IPO11: variants seen among roughly 807,000 people sequenced by gnomAD.
IPO11 encodes importin 11.
Under a neutral mutation model 143.2 loss-of-function variants are expected in IPO11, and 66 were observed. The ratio of observed to expected loss-of-function variants is 0.46; its 90% CI spans 0.38 to 0.57. IPO11 has a LOEUF of 0.57. IPO11 is among the 20% of genes least tolerant of loss of function. The probability of loss-of-function intolerance (pLI) is 0.00; values close to 1 mark genes in which losing one functional copy is unlikely to be tolerated. For synonymous variants in IPO11, 385 were observed against 377.8 expected, an observed-to-expected ratio of 1.02 and a Z score of -0.22; for missense variants, 1,026 against 1,141.0, an observed-to-expected ratio of 0.90 and a Z score of 1.45.
chr5:62,607,647 C>A (rs1439831118), intron 29 of IPO11, among the ~76,000 whole-genome samples: 1 of 152,140 alleles, frequency 6.6e-6, no homozygotes, highest in Non-Finnish European at 1.5e-5. Flanking sequence ...TACCTTATAG[C>A]ATTCAGTAAT....
At chr5:62,490,322 A>G (rs1399673474) in intron 15 of IPO11, 102 bp downstream of exon 15, 2 of 670,264 alleles carry the variant, frequency 3.0e-6, no homozygotes, top group East Asian at 6.3e-5. Flanking sequence ...TAAAAAATGC[A>G]ATCGTATAAG....
At chr5:62,448,354 C>T (rs1744792345) in intron 3 of IPO11, among the ~76,000 whole-genome samples, 1 of 152,140 alleles carries the variant, frequency 6.6e-6, no homozygotes, top group Admixed American at 6.6e-5. Flanking sequence ...GTGAATTTTC[C>T]ATTCCATTCA....
In IPO11 at chr5:62,490,192, C is replaced by T. The variant is rs1179239887; in HGVS notation, c.1435C>T (p.Leu479Phe). ...TGATCAGTGGTTTAAAAACCAGCTT[C>T]TTCCAGAATTACAAGTCATTCACAA... is the stretch of plus-strand genomic sequence containing the variant. ...DFDQWFKNQLLPELQVIHNRY... is the reference protein window; with the variant it reads ...DFDQWFKNQLFPELQVIHNRY... The change falls in exon 15 of 30, where the codon CTT becomes TTT. Residue 479 changes from leucine (L) to phenylalanine (F), a missense_variant. Physicochemically the swap from Leu to Phe is conservative, Grantham distance 22 (BLOSUM62 0). Coordinates refer to ENST00000325324, the MANE Select transcript of IPO11 (RefSeq NM_016338.5). The T allele has an allele frequency of 2.9e-5, 47 of 1,603,084 alleles. No individual in the cohort carries two copies. The highest frequency in any genetic ancestry group is 3.6e-5 in the Non-Finnish European group (42 of 1,174,822).
chr5:62,489,372 AG>A (rs755736212), intron 14 of IPO11, 23 bp downstream of exon 14: 2 of 1,506,656 alleles, frequency 1.3e-6, no homozygotes, highest in Non-Finnish European at 1.8e-6. Flanking sequence ...TAAGTGATTT[AG>A]AAGCATTTAT....
chr5:62,626,664 C>CT (rs535167129), intron 29 of IPO11, among the ~76,000 whole-genome samples: 1,464 of 136,052 alleles, frequency 0.011, 22 homozygotes, highest in African/African-American at 0.032. Context: ...CGAGGAGTCC[C>CT]TTTTTTTTTT....
intron 29 of IPO11, among the ~76,000 whole-genome samples, chr5:62,618,639 A>C (rs898723852): frequency 6.6e-6 from 1 of 152,228 alleles, no homozygotes; most frequent in Admixed American, 6.5e-5. Context: ...TGTACATGCA[A>C]GTCTAGGCTA....
At chr5:62,505,845 G>A (rs26627) in intron 18 of IPO11, among the ~76,000 whole-genome samples, 13,703 of 151,884 alleles carry the variant, frequency 0.09, 670 homozygotes, top group East Asian at 0.14. Context: ...TCTTTTTGCC[G>A]TAATGAGTAG....
chr5:62,608,859 T>C (rs1007985701), intron 29 of IPO11, among the ~76,000 whole-genome samples: 1 of 152,238 alleles, frequency 6.6e-6, no homozygotes, highest in Admixed American at 6.5e-5. Context: ...TATCCAACAT[T>C]GTAGTATCAT....
chr5:62,589,157 G>C (rs1244606076), intron 27 of IPO11, among the ~76,000 whole-genome samples: 3 of 152,048 alleles, frequency 2.0e-5, no homozygotes, highest in Non-Finnish European at 4.4e-5. Flanking sequence ...ACTTTCAGCT[G>C]TTCAGCCTCT....
chr5:62,428,070 TGTA>T (rs1211888831), intron 1 of IPO11, among the ~76,000 whole-genome samples: 4 of 152,232 alleles, frequency 2.6e-5, no homozygotes, highest in African/African-American at 9.6e-5. Context: ...ATCCAGATGT[TGTA>T]GTACACACTA....
At chr5:62,500,277 T>C (rs1188021931) in intron 16 of IPO11, among the ~76,000 whole-genome samples, 2 of 152,092 alleles carry the variant, frequency 1.3e-5, no homozygotes, top group African/African-American at 4.8e-5. Flanking sequence ...AGTGAGACTC[T>C]TTCAAAAAAA....
chr5:62,569,916 A>T (rs1164750020), intron 27 of IPO11, among the ~76,000 whole-genome samples: 1 of 152,060 alleles, frequency 6.6e-6, no homozygotes, highest in African/African-American at 2.4e-5. Context: ...ATTGGTTCTG[A>T]TTATTTCAGT....
At chr5:62,520,970 A>T (rs921955481) in intron 20 of IPO11, among the ~76,000 whole-genome samples, 1 of 152,246 alleles carries the variant, frequency 6.6e-6, no homozygotes, top group Non-Finnish European at 1.5e-5. Flanking sequence ...AGTCCCACCA[A>T]CAGTGTGAAA....
chr5:62,560,061 T>C (rs1439162638), intron 26 of IPO11, among the ~76,000 whole-genome samples: 1 of 152,092 alleles, frequency 6.6e-6, no homozygotes, highest in Non-Finnish European at 1.5e-5. Context: ...CTGTATGTGC[T>C]CTTGGCAAGA....
intron 28 of IPO11, among the ~76,000 whole-genome samples, chr5:62,594,614 G>A (rs955974160): frequency 6.6e-6 from 1 of 152,204 alleles, no homozygotes; most frequent in Admixed American, 6.5e-5. Context: ...TACACCCAGA[G>A]TAATGTTTAA....
At chr5:62,461,004 T>G (rs1054288159) in intron 5 of IPO11, among the ~76,000 whole-genome samples, 7 of 152,198 alleles carry the variant, frequency 4.6e-5, no homozygotes, top group African/African-American at 1.7e-4. Context: ...TTATTCCTGT[T>G]GTTTCTTCTT....
chr5:62,581,119 A>G, intron 27 of IPO11: 1 of 1,549,680 alleles, frequency 6.5e-7, no homozygotes, highest in Non-Finnish European at 8.7e-7. Context: ...GGCATCAGAA[A>G]ACTCAAGGGA....
chr5:62,591,872 G>A (rs1350968081), intron 28 of IPO11, among the ~76,000 whole-genome samples, 200 bp downstream of exon 28: 7 of 152,076 alleles, frequency 4.6e-5, no homozygotes, highest in Admixed American at 1.3e-4. Context: ...TTATTGAGAC[G>A]GAGTTTCACT....
At chr5:62,435,235 G>A (rs1252595039) in intron 1 of IPO11, among the ~76,000 whole-genome samples, 3 of 134,762 alleles carry the variant, frequency 2.2e-5, no homozygotes, top group East Asian at 2.1e-4. Context: ...TATCAGAGCA[G>A]CTGTAGTAAA....
Sources: gnomAD v4.1 joint callset for allele counts (sites outside exome capture counted in the v4.1 genomes callset) on GRCh38, gnomAD v4.1.1 for gene constraint, MANE v1.5 for transcripts, NCBI Gene and HGNC (gene_info 2026-07-23, HGNC 2026-07-21) for gene names.